The following ADAMTSL1 variants were observed in gnomAD, a reference collection of about 807,000 sequenced individuals.
ADAMTSL1 encodes ADAMTS-like protein 1.
ADAMTSL1 carries 126 observed loss-of-function variants against 201.8 expected under a neutral mutation model. The ratio of observed to expected loss-of-function variants is 0.62; its 90% CI spans 0.54 to 0.72. The LOEUF is 0.72. Among genes scored for constraint, ADAMTSL1 ranks in the 30% least tolerant of loss-of-function variants. The pLI is 0.00. For synonymous variants in ADAMTSL1, 1,121 were observed against 903.4 expected (o/e 1.24, Z -4.32); for missense variants, 2,679 against 2,277.8 (o/e 1.18, Z -3.59).
intron 1 of ADAMTSL1, among the ~76,000 whole-genome samples, chr9:18,072,133 G>C (rs1822998761): frequency 6.6e-6 from 1 of 152,122 alleles, no homozygotes; most frequent in Non-Finnish European, 1.5e-5. Context: ...TTTTTGGATT[G>C]TATTTGTCGT....
At chr9:18,788,869 C>CTT (rs147575947) in intron 19 of ADAMTSL1, among the ~76,000 whole-genome samples, 7 of 141,576 alleles carry the variant, frequency 4.9e-5, no homozygotes, top group East Asian at 4.1e-4. Context: ...AGAATTCTGG[C>CTT]TTTTTTTTTT....
chr9:18,097,828 A>G (rs912887601), intron 1 of ADAMTSL1, among the ~76,000 whole-genome samples: 1 of 151,762 alleles, frequency 6.6e-6, no homozygotes, highest in African/African-American at 2.4e-5. Context: ...TCTTTGTCAA[A>G]TATATTTGTT....
In ADAMTSL1 at chr9:18,713,286, T is replaced by C. The variant is rs1470282318; in HGVS notation, c.1876+6238T>C. Among the ~76,000 whole-genome samples, 38 of 152,142 alleles carry C rather than the reference T, an allele frequency of 2.5e-4. 1 individual carries two copies. In the East Asian group the frequency reaches 7.1e-3, roughly 29 times the overall value. On this transcript the variant is annotated intron_variant, in intron 14 of 28. Coordinates refer to ENST00000380548, the MANE Select transcript of ADAMTSL1 (RefSeq NM_001040272.6). ...AATGTCAATGGACTAAATGCTCCAA[T>C]TAAAAGACACAGACTGGCAAATTGG... is the stretch of plus-strand genomic sequence containing the variant.
chr9:18,725,296 C>G (rs1817809878), intron 15 of ADAMTSL1, among the ~76,000 whole-genome samples: 1 of 152,122 alleles, frequency 6.6e-6, no homozygotes, highest in South Asian at 2.1e-4. Flanking sequence ...AAGAGAGGGA[C>G]AGATGGAGGT....
intron 1 of ADAMTSL1, among the ~76,000 whole-genome samples, chr9:18,116,699 G>A (rs1046125623): frequency 1.3e-5 from 2 of 151,982 alleles, no homozygotes; most frequent in African/African-American, 4.8e-5. Flanking sequence ...TTTTTTTATG[G>A]TTTAAATACT....
intron 2 of ADAMTSL1, among the ~76,000 whole-genome samples, chr9:18,521,050 C>G (rs568780181): frequency 3.3e-5 from 5 of 152,068 alleles, no homozygotes; most frequent in Non-Finnish European, 5.9e-5. Context: ...TTATTTCTAG[C>G]ATTTTAGTGG....
chr9:18,337,902 A>G (rs541399150), intron 2 of ADAMTSL1, among the ~76,000 whole-genome samples: 3 of 152,178 alleles, frequency 2.0e-5, no homozygotes, highest in Admixed American at 1.3e-4. Flanking sequence ...TCCCTGCCAA[A>G]TGGGAATTCT....
chr9:18,267,775 C>CA (rs1198311322), intron 2 of ADAMTSL1, among the ~76,000 whole-genome samples: 18 of 108,526 alleles, frequency 1.7e-4, no homozygotes, highest in South Asian at 1.2e-3. Context: ...AAAAAAAAAA[C>CA]AAAAACAAAA....
At chr9:18,109,254 C>G (rs1037044024) in intron 1 of ADAMTSL1, among the ~76,000 whole-genome samples, 1 of 152,154 alleles carries the variant, frequency 6.6e-6, no homozygotes, top group African/African-American at 2.4e-5. Context: ...TTCTCTCTTT[C>G]CCTTCCTCAT....
At position 18,706,949 on chromosome 9, in the gene ADAMTSL1, G is replaced by C. The variant is rs755390883; in HGVS notation, c.1777G>C (p.Asp593His). Reference sequence around the variant, plus strand: ...CGGGGAAATTCCTGAGTTCAACCCAGACGAGACAGATGGGCTCTTTGGTGG... The same window carrying C: ...CGGGGAAATTCCTGAGTTCAACCCACACGAGACAGATGGGCTCTTTGGTGG... ...CSGEIPEFNP[D>H]ETDGLFGGLQ... The change falls in exon 14 of 29, where the codon GAC becomes CAC. Residue 593 changes from aspartate to histidine, a missense_variant. By Grantham distance (81) the Asp-to-His change is moderately conservative (BLOSUM62 -1). Transcript: ENST00000380548. 1 of 1,614,014 alleles carries C rather than the reference G, an allele frequency of 6.2e-7. No homozygotes were observed. The highest frequency in any genetic ancestry group is 1.7e-5 in the Admixed American group (1 of 60,026).
chr9:18,412,543 C>T (rs1818489439), intron 2 of ADAMTSL1, among the ~76,000 whole-genome samples: 1 of 152,138 alleles, frequency 6.6e-6, no homozygotes, highest in Non-Finnish European at 1.5e-5. Flanking sequence ...ATGCTTCATT[C>T]TTTTCCTTTA....
chr9:17,937,637 T>TCAGG (rs1312250994), intron 1 of ADAMTSL1, among the ~76,000 whole-genome samples: 17 of 2,554 alleles, frequency 6.7e-3, no homozygotes, highest in African/African-American at 0.012. Flanking sequence ...TCTTGTTGAT[T>TCAGG]TAAATTCCTT....
At position 18,806,079 on chromosome 9, in the gene ADAMTSL1, G is replaced by A. The variant is rs140882065; in HGVS notation, c.3805+10555G>A. On this transcript the variant is annotated intron_variant, in intron 20 of 28. Coordinates refer to ENST00000380548, the MANE Select transcript of ADAMTSL1 (RefSeq NM_001040272.6). ...GGGGAAATTATTTTGAAGTATATTC[G>A]TGACTTACAATGTTAAAGGAATGGA... 5.4e-3 allele frequency among the ~76,000 whole-genome samples: 818 copies of A among 152,258 alleles called. 7 individuals carry two copies. Among genetic ancestry groups the A allele is most frequent in the African/African-American group, 0.018 (758 of 41,560 alleles).
chr9:18,185,101 C>T (rs1828675350), intron 2 of ADAMTSL1, among the ~76,000 whole-genome samples: 1 of 152,090 alleles, frequency 6.6e-6, no homozygotes, highest in African/African-American at 2.4e-5. Context: ...TAAAGTAGCC[C>T]CTATGATCCT....
chr9:18,479,735 C>T (rs1490075573), intron 1 of ADAMTSL1, among the ~76,000 whole-genome samples: 2 of 151,964 alleles, frequency 1.3e-5, no homozygotes, highest in African/African-American at 2.4e-5. Context: ...TTTCAGAATG[C>T]CTGGTAATTT....
At chr9:18,065,966 AC>A (rs1478467305) in intron 1 of ADAMTSL1, among the ~76,000 whole-genome samples, 1 of 117,588 alleles carries the variant, frequency 8.5e-6, no homozygotes, top group Non-Finnish European at 1.7e-5. Flanking sequence ...TCAGCTTGGG[AC>A]AGAGCGAGAC....
Position 18,908,444 on chromosome 9 carries a change from G to A in ADAMTSL1, c.5185G>A (p.Glu1729Lys). The change falls in exon 29 of 29, where the codon GAG (glutamate) becomes AAG (lysine). Residue 1729 changes from glutamate (E) to lysine (K), a missense_variant and splice_region_variant. Physicochemically the swap from Glu to Lys is moderately conservative, Grantham distance 56 (BLOSUM62 1). Transcript: ENST00000380548. ...CCGACCCCGTCCTCCTTTCCCAGTG[G>A]AGTGCAGAGACACCACCAGGTACTG... The part of the protein sequence containing the change: ...RCNITPCENM[E>K]CRDTTRYCEK... The A allele has an allele frequency of 6.4e-7, 1 of 1,556,418 alleles. No individual in the cohort carries two copies. Among genetic ancestry groups the A allele is most frequent in the Middle Eastern group, 1.7e-4 (1 of 6,002 alleles).
chr9:18,766,082 G>A (rs1820342508), intron 16 of ADAMTSL1, among the ~76,000 whole-genome samples: 1 of 151,100 alleles, frequency 6.6e-6, no homozygotes. Flanking sequence ...GGAGTACACA[G>A]GGAAAGGGGG....
chr9:18,212,400 T>C (rs1205393501), intron 2 of ADAMTSL1, among the ~76,000 whole-genome samples: 1 of 152,202 alleles, frequency 6.6e-6, no homozygotes, highest in Non-Finnish European at 1.5e-5. Context: ...GGATAGATTA[T>C]GTTCAGCAAA....
Sources: allele counts gnomAD v4.1 joint callset (sites outside exome capture counted in the v4.1 genomes callset), GRCh38; gene constraint gnomAD v4.1.1; transcripts MANE v1.5; gene names NCBI Gene and HGNC (gene_info 2026-07-23, HGNC 2026-07-21).